Variants in N4BP2L2 observed in about 807,000 individuals in gnomAD.
N4BP2L2 encodes NEDD4 binding protein 2 like 2.
N4BP2L2 carries 50 observed loss-of-function variants against 56.2 expected under a neutral mutation model. The observed-to-expected ratio is 0.89, with a 90% CI of 0.71 to 1.13. The LOEUF (loss-of-function observed/expected upper bound fraction) is 1.13. Ranked by LOEUF, N4BP2L2 falls within the 50% of genes most tolerant of loss-of-function variation. N4BP2L2 has a pLI of 0.00. For synonymous variants in N4BP2L2, 203 were observed against 223.6 expected, an observed-to-expected ratio of 0.91 and a Z score of 0.82; for missense variants, 689 against 693.8, an observed-to-expected ratio of 0.99 and a Z score of 0.08.
exon 6 of N4BP2L2, chr13:32,517,591 TACA>T (rs557853637): frequency 1.5e-5 from 20 of 1,332,918 alleles, no homozygotes; most frequent in East Asian, 3.0e-5. Context: ...CCAAGAGTAT[TACA>T]ACAAGAGAAT....
chr13:32,513,557 G>A (rs1271786070), exon 6 of N4BP2L2: 2 of 152,024 alleles, frequency 1.3e-5, no homozygotes, highest in Admixed American at 1.3e-4. Flanking sequence ...GAAAATTCAC[G>A]AAGACACAGC....
chr13:32,520,127 A>T (rs1594036553), intron 5 of N4BP2L2, among the ~76,000 whole-genome samples: 1 of 152,314 alleles, frequency 6.6e-6, no homozygotes, highest in South Asian at 2.1e-4. Flanking sequence ...AGGGAAGTAA[A>T]TTAGTTGGAC....
At chr13:32,477,181 C>A in intron 6 of N4BP2L2, 1 of 501,576 alleles carries the variant, frequency 2.0e-6, no homozygotes, top group South Asian at 1.9e-5. Context: ...ACTCATTTCT[C>A]CTTGGGCAGT....
chr13:32,495,322 C>A (rs1190093863), intron 6 of N4BP2L2, among the ~76,000 whole-genome samples: 1 of 152,152 alleles, frequency 6.6e-6, no homozygotes, highest in African/African-American at 2.4e-5. Flanking sequence ...CCTTAGTAAC[C>A]CATCAACAGG....
chr13:32,528,789 TA>T (rs2053823645), intron 2 of N4BP2L2, among the ~76,000 whole-genome samples: 1 of 152,046 alleles, frequency 6.6e-6, no homozygotes, highest in South Asian at 2.1e-4. Flanking sequence ...TACCTCTCAC[TA>T]AAAAAATAGT....
intron 7 of N4BP2L2, among the ~76,000 whole-genome samples, chr13:32,442,141 T>G (rs1402739163): frequency 6.6e-6 from 1 of 152,184 alleles, no homozygotes; most frequent in Non-Finnish European, 1.5e-5. Context: ...CCAGTATCTA[T>G]TGAAATTGAG....
chr13:32,481,959 T>C (rs2084847040), intron 6 of N4BP2L2, among the ~76,000 whole-genome samples: 1 of 152,212 alleles, frequency 6.6e-6, no homozygotes, highest in Non-Finnish European at 1.5e-5. Flanking sequence ...AAGTATATAT[T>C]CATGTAAATA....
chr13:32,470,069 G>C (rs1157050931), intron 6 of N4BP2L2, among the ~76,000 whole-genome samples: 1 of 152,172 alleles, frequency 6.6e-6, no homozygotes, highest in African/African-American at 2.4e-5. Context: ...CTGTATCTTT[G>C]CACCTTGCCA....
chr13:32,443,038 T>C, exon 7 of N4BP2L2: 2 of 1,608,428 alleles, frequency 1.2e-6, no homozygotes, highest in Non-Finnish European at 8.5e-7. Context: ...TCCTAATAAG[T>C]CAAAATTTGG....
chr13:32,469,951 C>T lies in N4BP2L2; in HGVS notation c.366-25825G>A, dbSNP rs1163233206. ...CTTGCTCAGAGGGACACTGGACCACCGCAGCCACATGTGGACTTGGCAATC... is the reference window on the plus strand; with the variant it reads ...CTTGCTCAGAGGGACACTGGACCACTGCAGCCACATGTGGACTTGGCAATC... On this transcript the variant is annotated intron_variant, in intron 6 of 9. Coordinates refer to the N4BP2L2 transcript ENST00000357505. Among the ~76,000 whole-genome samples, 5 of 152,140 alleles carry T rather than the reference C, an allele frequency of 3.3e-5. 1 individual carries two copies. In the South Asian group the frequency reaches 8.3e-4, roughly 25 times the overall value.
intron 6 of N4BP2L2, among the ~76,000 whole-genome samples, chr13:32,476,021 G>C (rs1311677153): frequency 2.0e-5 from 3 of 152,156 alleles, no homozygotes; most frequent in Non-Finnish European, 4.4e-5. Flanking sequence ...GTATTGAGGA[G>C]AATTACATTT....
chr13:32,532,590 CTTTTTTTTTTTT>C (rs759146834), intron 2 of N4BP2L2, among the ~76,000 whole-genome samples: 6 of 128,396 alleles, frequency 4.7e-5, no homozygotes, highest in Admixed American at 7.9e-5. Flanking sequence ...TTTCTTTTTT[CTTTTTTTTTTTT>C]TTTTTTAAGA....
intron 2 of N4BP2L2, among the ~76,000 whole-genome samples, chr13:32,528,537 T>C (rs556272169): frequency 1.3e-4 from 20 of 152,342 alleles, no homozygotes; most frequent in African/African-American, 4.6e-4. Context: ...CTCAGAACTC[T>C]CATTACCAAT....
At chr13:32,489,955 T>C (rs1286226657) in intron 6 of N4BP2L2, 2 of 152,206 alleles carry the variant, frequency 1.3e-5, no homozygotes. Context: ...ATTCTCTTAA[T>C]AATTGTTTAA....
exon 2 of N4BP2L2, chr13:32,536,276 T>A (rs748704439): frequency 4.3e-6 from 7 of 1,613,538 alleles, no homozygotes; most frequent in Non-Finnish European, 5.1e-6. Flanking sequence ...AGGTATTACT[T>A]GTCCATTACA....
chr13:32,448,727 AG>A (rs561314066), intron 6 of N4BP2L2, among the ~76,000 whole-genome samples: 5 of 152,248 alleles, frequency 3.3e-5, no homozygotes, highest in South Asian at 4.1e-4. Context: ...AATATAATTA[AG>A]GGGGGGCCAG....
intron 6 of N4BP2L2, among the ~76,000 whole-genome samples, chr13:32,489,892 A>C (rs2086686659): frequency 6.6e-6 from 1 of 152,170 alleles, no homozygotes; most frequent in South Asian, 2.1e-4. Flanking sequence ...ATTTTATGTT[A>C]TCATATAATA....
At chr13:32,526,347 A>G (rs2052770883) in intron 3 of N4BP2L2, among the ~76,000 whole-genome samples, 1 of 152,354 alleles carries the variant, frequency 6.6e-6, no homozygotes, top group African/African-American at 2.4e-5. Context: ...AGGAGATTCA[A>G]TTACACACTG....
chr13:32,470,224 T>C (rs1297838577), intron 6 of N4BP2L2, among the ~76,000 whole-genome samples: 1 of 152,200 alleles, frequency 6.6e-6, no homozygotes, highest in Non-Finnish European at 1.5e-5. Flanking sequence ...CTGGGACTTC[T>C]TTTCCAGACA....
Sources: allele counts gnomAD v4.1 joint callset (sites outside exome capture counted in the v4.1 genomes callset), GRCh38; gene constraint gnomAD v4.1.1; transcripts MANE v1.5; gene names NCBI Gene and HGNC (gene_info 2026-07-23, HGNC 2026-07-21).